Variants in LARGE1 observed in about 807,000 individuals in gnomAD.
The protein encoded by LARGE1 is xylosyl- and glucuronyltransferase LARGE1.
A neutral mutation model predicts 87.6 loss-of-function variants in LARGE1; 43 were observed. The observed-to-expected ratio is 0.49, with a 90% CI of 0.38 to 0.63. The LOEUF (loss-of-function observed/expected upper bound fraction) is 0.63, where lower values mean the gene tolerates loss of function less well. Among genes scored for constraint, LARGE1 ranks in the 30% least tolerant of loss-of-function variants. The pLI is 0.00. For synonymous variants in LARGE1, 434 were observed against 394.6 expected (o/e 1.10, Z -1.18); for missense variants, 802 against 1,000.2 (o/e 0.80, Z 2.67).
Position 33,382,015 on chromosome 22 carries a change from GT to G in LARGE1, c.1034del (p.Asn345ThrfsTer32). On this transcript the variant is annotated frameshift_variant, in exon 9 of 15. Coordinates refer to ENST00000397394, the MANE Select transcript of LARGE1 (RefSeq NM_133642.5). LOFTEE classifies it high-confidence loss of function. Reference protein sequence around the residue: ...QDIFNAVIKQNPFLVYQLPCF... With the variant: ...QDIFNAVIKQXPFLVYQLPCF... ...AGGGGAGCTGGTACACAAGGAAGGG[GT>G]TTTGTTTGATGACGGCATTGAAAAT... 6.2e-7 allele frequency: 1 copy of G among 1,614,118 alleles called. No homozygotes were observed.
At chr22:33,713,848 T>A (rs1037637381) in intron 2 of LARGE1, among the ~76,000 whole-genome samples, 1 of 152,042 alleles carries the variant, frequency 6.6e-6, no homozygotes, top group Non-Finnish European at 1.5e-5. Context: ...CCCAGCTATT[T>A]AGGAGGCTGA....
At chr22:33,391,775 T>C (rs962029020) in intron 7 of LARGE1, among the ~76,000 whole-genome samples, 32 of 148,474 alleles carry the variant, frequency 2.2e-4, no homozygotes, top group African/African-American at 6.7e-4. Context: ...CTTTTTTTTT[T>C]TTTTTTTTTT....
At chr22:33,870,503 A>T (rs2061439255) in intron 1 of LARGE1, among the ~76,000 whole-genome samples, 1 of 152,000 alleles carries the variant, frequency 6.6e-6, no homozygotes, top group African/African-American at 2.4e-5. Flanking sequence ...TTACAGACAA[A>T]CTCATTTTAT....
At chr22:33,812,060 T>C (rs2040619954) in intron 1 of LARGE1, among the ~76,000 whole-genome samples, 2 of 152,120 alleles carry the variant, frequency 1.3e-5, no homozygotes, top group South Asian at 4.1e-4. Context: ...TAACAATGCA[T>C]TAAAAGGGAC....
intron 6 of LARGE1, among the ~76,000 whole-genome samples, chr22:33,515,561 G>A (rs1026235289): frequency 6.6e-6 from 1 of 152,120 alleles, no homozygotes; most frequent in Non-Finnish European, 1.5e-5. Flanking sequence ...ATCTTTCCCA[G>A]AACACTGGAG....
chr22:33,466,693 T>TACACAC (rs536654371), intron 6 of LARGE1, among the ~76,000 whole-genome samples: 5,458 of 145,250 alleles, frequency 0.038, 301 homozygotes, highest in African/African-American at 0.12. Context: ...TCTCTCTCTC[T>TACACAC]ACACACACAC....
chr22:33,805,344 A>T (rs1367573307), intron 1 of LARGE1, among the ~76,000 whole-genome samples: 1 of 152,134 alleles, frequency 6.6e-6, no homozygotes, highest in African/African-American at 2.4e-5. Context: ...GCTCTGCTCA[A>T]GTCAGTAACC....
intron 6 of LARGE1, among the ~76,000 whole-genome samples, chr22:33,476,954 AT>A (rs1475296861): frequency 2.6e-5 from 4 of 152,130 alleles, no homozygotes; most frequent in Admixed American, 2.0e-4. Context: ...CTCGGTGACA[AT>A]TGCTGGAATC....
chr22:33,441,071 C>CTTTTTTTTTTTTTTTTTTTTTT lies in LARGE1; in HGVS notation c.788-8807_788-8806insAAAAAAAAAAAAAAAAAAAAAA, dbSNP rs35976426. On this transcript the variant is annotated intron_variant, in intron 6 of 14. Coordinates refer to ENST00000397394, the MANE Select transcript of LARGE1 (RefSeq NM_133642.5). ...CTCAGCTGCTGCTATTTTGTTTGAA[C>CTTTTTTTTTTTTTTTTTTTTTT]TTTTTTTTTTTTTTTTTTTTGAGAG... Among the ~76,000 whole-genome samples the CTTTTTTTTTTTTTTTTTTTTTT allele has an allele frequency of 4.4e-4, 43 of 98,522 alleles. 2 individuals are homozygous for CTTTTTTTTTTTTTTTTTTTTTT. The highest frequency in any genetic ancestry group is 2.1e-3 in the African/African-American group (42 of 20,394). 64.6% of individuals were successfully genotyped at this position (98,522 alleles called of 152,430 possible). A position where few individuals can be genotyped will look rare whatever the true frequency, so the allele number is the denominator to read the frequency against.
At chr22:33,701,066 A>G (rs2082392329) in intron 2 of LARGE1, among the ~76,000 whole-genome samples, 1 of 152,158 alleles carries the variant, frequency 6.6e-6, no homozygotes, top group Non-Finnish European at 1.5e-5. Flanking sequence ...ATGGGCCTGC[A>G]GTTGTGTCTT....
chr22:33,079,777 C>A, the LARGE1 span, among the ~76,000 whole-genome samples: 1 of 152,120 alleles, frequency 6.6e-6, no homozygotes, highest in Non-Finnish European at 1.5e-5. Context: ...CTGCTTGGAA[C>A]TTTCCCCTTA....
exon 12 of LARGE1, chr22:33,166,813 G>A (rs558785519): frequency 2.1e-6 from 1 of 471,532 alleles, no homozygotes; most frequent in East Asian, 6.9e-5. Context: ...ATGGGAGATA[G>A]GGTCTGGCTA....
chr22:33,330,380 C>T (rs778012129), intron 10 of LARGE1, among the ~76,000 whole-genome samples: 2 of 151,966 alleles, frequency 1.3e-5, no homozygotes, highest in African/African-American at 2.4e-5. Flanking sequence ...TGGAGTATAG[C>T]GGATCGATCA....
At chr22:33,596,831 T>C (rs1364509437) in intron 5 of LARGE1, among the ~76,000 whole-genome samples, 1 of 152,206 alleles carries the variant, frequency 6.6e-6, no homozygotes, top group Non-Finnish European at 1.5e-5. Context: ...CCATTACAAG[T>C]TCTCATTTAA....
chr22:33,346,767 G>T (rs1939815094), intron 9 of LARGE1, among the ~76,000 whole-genome samples: 1 of 152,044 alleles, frequency 6.6e-6, no homozygotes, highest in African/African-American at 2.4e-5. Context: ...TAGTTGCAAT[G>T]TCCCCTGCCC....
the LARGE1 span, among the ~76,000 whole-genome samples, chr22:33,073,571 T>C: frequency 9.9e-5 from 15 of 152,124 alleles, no homozygotes; most frequent in African/African-American, 3.4e-4. Context: ...CCACCCCTCA[T>C]AAAGTCTCCT....
At chr22:33,899,402 G>A (rs1244955209) in intron 1 of LARGE1, among the ~76,000 whole-genome samples, 1 of 152,184 alleles carries the variant, frequency 6.6e-6, no homozygotes, top group Non-Finnish European at 1.5e-5. Flanking sequence ...ACCAAACAAT[G>A]CATCAGGCTT....
At chr22:33,170,138 G>A (rs1275076977) in intron 11 of LARGE1, among the ~76,000 whole-genome samples, 1 of 152,016 alleles carries the variant, frequency 6.6e-6, no homozygotes, top group African/African-American at 2.4e-5. Context: ...GGATGCCGAG[G>A]TGGGAGGATC....
At chr22:33,280,601 T>G (rs1390360513) in intron 13 of LARGE1, among the ~76,000 whole-genome samples, 1 of 152,192 alleles carries the variant, frequency 6.6e-6, no homozygotes, top group Non-Finnish European at 1.5e-5. Context: ...GCCTGGACAC[T>G]GGCAGCTTGC....
Sources: allele counts gnomAD v4.1 joint callset (sites outside exome capture counted in the v4.1 genomes callset), GRCh38; gene constraint gnomAD v4.1.1; transcripts MANE v1.5; gene names NCBI Gene and HGNC (gene_info 2026-07-23, HGNC 2026-07-21).